Variants in FAM53B observed in about 807,000 individuals in gnomAD.
The protein encoded by FAM53B is protein FAM53B.
In FAM53B, 12 loss-of-function variants were observed where a neutral mutation model predicts 32.7. The ratio of observed to expected loss-of-function variants is 0.37; its 90% CI spans 0.24 to 0.59. The LOEUF is 0.59. FAM53B is among the 20% of genes least tolerant of loss of function. The pLI is 0.72. For missense variants in FAM53B, 477 were observed against 577.7 expected (o/e 0.83, Z 1.79); for synonymous variants, 234 against 228.7 (o/e 1.02, Z -0.21).
At chr10:124,731,794 C>T (rs1405894069) in intron 1 of FAM53B, among the ~76,000 whole-genome samples, 1 of 152,118 alleles carries the variant, frequency 6.6e-6, no homozygotes, top group East Asian at 1.9e-4. Context: ...GCATCACCTC[C>T]AAAACTGTAA....
Position 124,733,358 on chromosome 10 carries a change from G to A in FAM53B, c.-175+10655C>T, listed in dbSNP as rs568524255. On this transcript the variant is annotated intron_variant, in intron 1 of 4. Transcript: ENST00000337318. The surrounding 1 kb of genome is among the most constrained non-coding windows in gnomAD (Gnocchi z 4.3). ...GGTGGAGGCCTCAGGCGCACTGGCC[G>A]CCAAGAGTCAGGTGACTCAGGCCCG... 2.4e-3 allele frequency among the ~76,000 whole-genome samples: 365 copies of A among 152,224 alleles called. No homozygotes were observed. Among genetic ancestry groups the A allele is most frequent in the Non-Finnish European group, 4.2e-3 (289 of 68,006 alleles).
chr10:124,743,890 C>T (rs1950215767), intron 1 of FAM53B, 123 bp downstream of exon 1: 1 of 151,482 alleles, frequency 6.6e-6, no homozygotes, highest in African/African-American at 2.4e-5. Flanking sequence ...AAAAAAAAGG[C>T]AAGCCCATTG....
intron 4 of FAM53B, among the ~76,000 whole-genome samples, chr10:124,655,520 C>T (rs987841206): frequency 1.3e-5 from 2 of 151,996 alleles, no homozygotes; most frequent in Non-Finnish European, 2.9e-5. Flanking sequence ...GAAGAGCTGC[C>T]CAGCACTGGG....
chr10:124,710,151 G>A (rs1227058149), intron 1 of FAM53B, among the ~76,000 whole-genome samples: 1 of 152,236 alleles, frequency 6.6e-6, no homozygotes, highest in Non-Finnish European at 1.5e-5. Context: ...AGCAGGATGG[G>A]AGCTAGAGAG....
At chr10:124,738,624 G>A (rs954676597) in intron 1 of FAM53B, among the ~76,000 whole-genome samples, 1 of 151,628 alleles carries the variant, frequency 6.6e-6, no homozygotes, top group Non-Finnish European at 1.5e-5. Context: ...ACAGAATGCA[G>A]GGCCGCTGCC....
At chr10:124,708,632 G>A (rs761997487) in intron 1 of FAM53B, among the ~76,000 whole-genome samples, 1 of 152,274 alleles carries the variant, frequency 6.6e-6, no homozygotes, top group African/African-American at 2.4e-5. Flanking sequence ...GCTTAGCTCA[G>A]GAGCAGGCCA....
At chr10:124,645,442 C>A (rs973419964) in intron 4 of FAM53B, among the ~76,000 whole-genome samples, 1 of 152,174 alleles carries the variant, frequency 6.6e-6, no homozygotes, top group Non-Finnish European at 1.5e-5. Context: ...GATGGGCCCA[C>A]GCCGGCAGCA....
At chr10:124,743,137 G>A (rs1171620864) in intron 1 of FAM53B, among the ~76,000 whole-genome samples, 8 of 150,084 alleles carry the variant, frequency 5.3e-5, no homozygotes, top group Non-Finnish European at 8.9e-5. Context: ...GAGAGCTGGG[G>A]GCTGGGGGAC....
Position 124,681,616 on chromosome 10 carries a change from C to T in FAM53B, c.897G>A (p.Lys299=). 6.3e-7 allele frequency: 1 copy of T among 1,595,422 alleles called. No individual in the cohort carries two copies. ...CTGCTGGGGCTCTTACCTGTGCCAT[C>T]TTGGCAAGGTCTAGAGAAGGCCTCT... ...QEQRPSLDLA[K]MAQNCQTFSS... is the part of the protein sequence containing the mutation. Residue 299 remains lysine, a synonymous_variant, in exon 4 of 5, where the codon AAG becomes AAA. Coordinates refer to ENST00000337318, the MANE Select transcript of FAM53B (RefSeq NM_014661.4).
At chr10:124,735,138 A>G (rs1351606017) in intron 1 of FAM53B, among the ~76,000 whole-genome samples, 1 of 152,162 alleles carries the variant, frequency 6.6e-6, no homozygotes, top group Non-Finnish European at 1.5e-5. Context: ...TGAGAGGAAG[A>G]ACAAAAAACA....
chr10:124,670,447 T>C (rs977733023), intron 4 of FAM53B, among the ~76,000 whole-genome samples: 1 of 151,640 alleles, frequency 6.6e-6, no homozygotes, highest in Non-Finnish European at 1.5e-5. Flanking sequence ...AAAAGCCCGC[T>C]CCTCACCCCA....
At chr10:124,714,499 G>C (rs1209819693) in intron 1 of FAM53B, among the ~76,000 whole-genome samples, 1 of 152,144 alleles carries the variant, frequency 6.6e-6, no homozygotes, top group Non-Finnish European at 1.5e-5. Context: ...GGTGGCTCAC[G>C]CCTGTAATCC....
rs1280371300 is a variant in FAM53B, at chr10:124,619,895, G to A, written c.*3347C>T. 6.6e-6 allele frequency: 1 copy of A among 152,466 alleles called. No homozygotes were observed. Among genetic ancestry groups the A allele is most frequent in the Non-Finnish European group, 1.5e-5 (1 of 68,056 alleles). 9.4% of individuals were successfully genotyped at this position (152,466 alleles called of 1,614,324 possible). On this transcript the variant is annotated 3_prime_UTR_variant, in exon 5 of 5. Coordinates refer to ENST00000337318, the MANE Select transcript of FAM53B (RefSeq NM_014661.4). The stretch of plus-strand genomic sequence containing the variant: ...CGTCAGTGGAAACGGGGGTGCAGCA[G>A]GCATGACACCAAGGCAGAGCCCGCA...
intron 4 of FAM53B, among the ~76,000 whole-genome samples, chr10:124,638,669 T>G (rs940984928): frequency 3.9e-5 from 6 of 152,126 alleles, no homozygotes; most frequent in Non-Finnish European, 7.4e-5. Flanking sequence ...AAACAGTCCA[T>G]GAAAGCAGAG....
intron 1 of FAM53B, among the ~76,000 whole-genome samples, chr10:124,715,090 T>G (rs1950031142): frequency 6.6e-6 from 1 of 152,230 alleles, no homozygotes; most frequent in Non-Finnish European, 1.5e-5. Context: ...TCATTGTTAA[T>G]TATCCTTTAA....
At chr10:124,655,800 T>C (rs1226039048) in intron 4 of FAM53B, among the ~76,000 whole-genome samples, 2 of 152,198 alleles carry the variant, frequency 1.3e-5, no homozygotes, top group Non-Finnish European at 2.9e-5. Flanking sequence ...CCACTACCCA[T>C]GCTCCTTGTC....
At chr10:124,717,596 A>C (rs1320891620) in intron 1 of FAM53B, among the ~76,000 whole-genome samples, 1 of 151,878 alleles carries the variant, frequency 6.6e-6, no homozygotes, top group Non-Finnish European at 1.5e-5. Context: ...GGCCACAGGG[A>C]CTCTTCCAAT....
At chr10:124,723,351 G>C (rs530862875) in intron 1 of FAM53B, among the ~76,000 whole-genome samples, 1 of 152,186 alleles carries the variant, frequency 6.6e-6, no homozygotes, top group African/African-American at 2.4e-5. Flanking sequence ...GGGGGTTTCC[G>C]ATAGCTATCA....
chr10:124,727,082 G>C (rs531208698), intron 1 of FAM53B, among the ~76,000 whole-genome samples: 1 of 152,114 alleles, frequency 6.6e-6, no homozygotes, highest in African/African-American at 2.4e-5. Context: ...GCAGTGGCAC[G>C]ATCTTGGCTC....
Sources: allele counts gnomAD v4.1 joint callset (sites outside exome capture counted in the v4.1 genomes callset), GRCh38; gene constraint gnomAD v4.1.1; non-coding constraint Gnocchi (gnomAD v3.1); transcripts MANE v1.5; gene names NCBI Gene and HGNC (gene_info 2026-07-23, HGNC 2026-07-21).